Variants in UNC13A observed in about 807,000 individuals in gnomAD.
UNC13A encodes the protein unc-13 homolog A.
In UNC13A, 61 loss-of-function variants were observed where a neutral mutation model predicts 219.7. The ratio of observed to expected loss-of-function variants is 0.28; its 90% CI spans 0.23 to 0.34. UNC13A has a LOEUF of 0.34. Among genes scored for constraint, UNC13A ranks in the 10% least tolerant of loss-of-function variants. The probability of loss-of-function intolerance (pLI) is 1.00; values close to 1 mark genes in which losing one functional copy is unlikely to be tolerated. For missense variants in UNC13A, 1,476 were observed against 2,270.3 expected (o/e 0.65, Z 7.11); for synonymous variants, 920 against 884.6 (o/e 1.04, Z -0.71).
chr19:17,686,076 T>C (rs1283924825), intron 1 of UNC13A, among the ~76,000 whole-genome samples: 1 of 151,608 alleles, frequency 6.6e-6, no homozygotes, highest in East Asian at 1.9e-4. Context: ...CTGAGGGCCT[T>C]ACCTCCCACC....
chr19:17,612,117 AT>A (rs1347632337), intron 41 of UNC13A: 1 of 347,992 alleles, frequency 2.9e-6, no homozygotes, highest in Non-Finnish European at 5.2e-6. Context: ...CTTTTTTCTT[AT>A]TCCATTGATT....
At chr19:17,642,687 G>C (rs1016566757) in intron 20 of UNC13A, among the ~76,000 whole-genome samples, 158 bp downstream of exon 20, 2 of 152,154 alleles carry the variant, frequency 1.3e-5, no homozygotes, top group African/African-American at 4.8e-5. Flanking sequence ...TCTGGACTTT[G>C]ATGGATAGGG....
At chr19:17,640,121 G>A (rs1331456511) in intron 22 of UNC13A, among the ~76,000 whole-genome samples, 3 of 151,794 alleles carry the variant, frequency 2.0e-5, no homozygotes, top group South Asian at 4.2e-4. Context: ...TGCAACCTCC[G>A]ACTCCTAGGC....
At chr19:17,679,165 C>T (rs1019748845) in intron 1 of UNC13A, among the ~76,000 whole-genome samples, 8 of 151,778 alleles carry the variant, frequency 5.3e-5, no homozygotes, top group African/African-American at 1.5e-4. Flanking sequence ...ACTTTGAGGC[C>T]GAGGCAGGTG....
chr19:17,680,424 G>A (rs771579150), intron 1 of UNC13A, among the ~76,000 whole-genome samples: 6 of 152,186 alleles, frequency 3.9e-5, no homozygotes, highest in Non-Finnish European at 8.8e-5. Context: ...GGCGGACAGG[G>A]GGGCGGGGAT....
chr19:17,621,242 TTCACA>T (rs1173468092), intron 37 of UNC13A, among the ~76,000 whole-genome samples: 24 of 152,058 alleles, frequency 1.6e-4, no homozygotes, highest in African/African-American at 5.6e-4. Context: ...CCCACACGGA[TTCACA>T]TCCACATATA....
At position 17,639,528 on chromosome 19, in the gene UNC13A, G is replaced by T. The variant is rs1343757227; in HGVS notation, c.2857-3C>A. ...GGGCTGCTGGCTGGGAAGTTATTCT[G>T]TTGGGAGCAGGAAGAGATGTGGGGT... On this transcript the variant is annotated splice_region_variant and splice_polypyrimidine_tract_variant and intron_variant, in intron 23 of 43. Transcript: ENST00000519716. The T allele has an allele frequency of 6.2e-7, 1 of 1,612,440 alleles. No homozygotes were observed. The highest frequency in any genetic ancestry group is 8.5e-7 in the Non-Finnish European group (1 of 1,179,598).
At chr19:17,606,546 G>A (rs1256106572) in intron 43 of UNC13A, among the ~76,000 whole-genome samples, 192 bp from the exon 44 acceptor site, 1 of 151,962 alleles carries the variant, frequency 6.6e-6, no homozygotes, top group South Asian at 2.1e-4. Context: ...GCCCACAGCA[G>A]CTGACCCCGA....
At position 17,624,811 on chromosome 19, in the gene UNC13A, G is replaced by A; in HGVS notation, c.4197+18C>T. 6.2e-7 allele frequency: 1 copy of A among 1,605,562 alleles called. No individual in the cohort carries two copies. The highest frequency in any genetic ancestry group is 8.5e-7 in the Non-Finnish European group (1 of 1,175,096). ...GGAGGTGGCCTAAATGTCCCCTCGG[G>A]CCCCCTGCAGGTCTCACCGTCTGGT... On this transcript the variant is annotated intron_variant, in intron 35 of 43. Transcript: ENST00000519716.
chr19:17,686,717 A>T lies in UNC13A; in HGVS notation c.22+1461T>A, dbSNP rs1054838872. Reference sequence around the variant, plus strand: ...AAAGTAGGCCCCTGTCCCTTTAAGAACACCCGCGTCCACGCCGGCCCAGCC... The same window carrying T: ...AAAGTAGGCCCCTGTCCCTTTAAGATCACCCGCGTCCACGCCGGCCCAGCC... On this transcript the variant is annotated intron_variant, in intron 1 of 43. Transcript: ENST00000519716. 3.3e-5 allele frequency among the ~76,000 whole-genome samples: 5 copies of T among 151,538 alleles called. No homozygotes were observed. The South Asian group carries it at 8.3e-4, about 25-fold the overall frequency.
chr19:17,672,582 C>G (rs940295156), intron 3 of UNC13A, 87 bp from the exon 4 acceptor site: 1 of 962,334 alleles, frequency 1.0e-6, no homozygotes, highest in Non-Finnish European at 1.6e-6. Flanking sequence ...TGAGAACACA[C>G]AGCATACTGC....
At chr19:17,670,092 A>G (rs8111038) in intron 4 of UNC13A, among the ~76,000 whole-genome samples, 82,720 of 150,602 alleles carry the variant, frequency 0.55, 25,260 homozygotes, top group African/African-American at 0.8. Context: ...GACTACAGGC[A>G]CCCGCCACCA....
rs1450335246 is a variant in UNC13A at position 17,601,894 on chromosome 19, G to T, written c.*4160C>A. 6.6e-6 allele frequency: 1 copy of T among 152,632 alleles called. No homozygotes were observed. The highest frequency in any genetic ancestry group is 1.5e-5 in the Non-Finnish European group (1 of 68,052). The allele number at this position is 152,632 out of a possible 1,614,324, so 9.5% of individuals were successfully genotyped here. ...AACGATTCTTAGGAAAGGATTCTGG[G>T]GAGCAGACGGGGTTGTGATCCGGGA... On this transcript the variant is annotated 3_prime_UTR_variant, in exon 44 of 44. Coordinates refer to ENST00000519716, the MANE Select transcript of UNC13A (RefSeq NM_001080421.3).
At chr19:17,629,453 G>T in intron 30 of UNC13A, 130 bp from the exon 31 acceptor site, 2 of 729,800 alleles carry the variant, frequency 2.7e-6, no homozygotes, top group Non-Finnish European at 4.5e-6. Flanking sequence ...GGGCCTTTGG[G>T]CTAGGCAAAT....
In UNC13A at chr19:17,617,762, G is replaced by A; in HGVS notation, c.4498C>T (p.Leu1500Phe). ...DLQSLRYALS[L>F]YTQATDLLIK... The stretch of plus-strand genomic sequence containing the variant: ...AGCAGGTCGGTGGCCTGCGTGTAGA[G>A]CGACAGGGCATAGCGCAAGGATTGC... The change falls in exon 41 of 44, where the codon CTC (leucine) becomes TTC (phenylalanine). Residue 1500 changes from leucine to phenylalanine, a missense_variant. By Grantham distance (22) the Leu-to-Phe change is conservative (BLOSUM62 0). Transcript: ENST00000519716. 1.2e-6 allele frequency: 2 copies of A among 1,612,038 alleles called. No individual in the cohort carries two copies. Among genetic ancestry groups the A allele is most frequent in the Non-Finnish European group, 1.7e-6 (2 of 1,179,028 alleles).
intron 37 of UNC13A, 73 bp downstream of exon 37, chr19:17,621,759 C>G: frequency 1.3e-6 from 2 of 1,540,144 alleles, no homozygotes; most frequent in Non-Finnish European, 1.8e-6. Flanking sequence ...CCCAGGTGCA[C>G]AGACGCACAC....
At chr19:17,687,143 G>A (rs2080129078) in intron 1 of UNC13A, among the ~76,000 whole-genome samples, 3 of 152,164 alleles carry the variant, frequency 2.0e-5, no homozygotes, top group Non-Finnish European at 4.4e-5. Flanking sequence ...AGAACGCCTG[G>A]GTTCGGTTGG....
Position 17,649,464 on chromosome 19 carries a change from T to C in UNC13A, c.1518+45A>G. Reference sequence around the variant, plus strand: ...AGTTCCACAGGTTGTGCACTGCTTATAGCAGGCCTGCTCTGCTCAGGGAGT... The same window carrying C: ...AGTTCCACAGGTTGTGCACTGCTTACAGCAGGCCTGCTCTGCTCAGGGAGT... On this transcript the variant is annotated intron_variant, in intron 13 of 43. Transcript: ENST00000519716. The surrounding 1 kb of genome is among the most constrained non-coding windows in gnomAD (Gnocchi z 4.4). 2.5e-6 allele frequency: 4 copies of C among 1,613,418 alleles called. No individual in the cohort carries two copies. Among genetic ancestry groups the C allele is most frequent in the Non-Finnish European group, 2.5e-6 (3 of 1,179,430 alleles).
chr19:17,651,382 C>G (rs1307934246), intron 12 of UNC13A, among the ~76,000 whole-genome samples: 1 of 152,168 alleles, frequency 6.6e-6, no homozygotes, highest in African/African-American at 2.4e-5. Context: ...CACCACCACA[C>G]CTGGCTAATT....
Sources: gnomAD v4.1 joint callset for allele counts (sites outside exome capture counted in the v4.1 genomes callset) on GRCh38, gnomAD v4.1.1 for gene constraint, Gnocchi (gnomAD v3.1) non-coding constraint, MANE v1.5 for transcripts, NCBI Gene and HGNC (gene_info 2026-07-23, HGNC 2026-07-21) for gene names.